ERC2: variants seen among roughly 807,000 people sequenced by gnomAD.
ERC2 encodes the protein ELKS/RAB6-interacting/CAST family member 2.
ERC2 carries 42 observed loss-of-function variants against 114.8 expected under a neutral mutation model. That is an observed-to-expected ratio of 0.37 (90% confidence interval 0.29 to 0.47). The LOEUF is 0.47. ERC2 is among the 20% of genes least tolerant of loss of function. The probability of loss-of-function intolerance (pLI) is 0.99; values close to 1 mark genes in which losing one functional copy is unlikely to be tolerated. For synonymous variants in ERC2, 454 were observed against 425.5 expected (o/e 1.07, Z -0.82); for missense variants, 939 against 1,150.7 (o/e 0.82, Z 2.66).
intron 13 of ERC2, among the ~76,000 whole-genome samples, chr3:55,922,392 T>C (rs2065479932): frequency 6.6e-6 from 1 of 151,996 alleles, no homozygotes; most frequent in South Asian, 2.1e-4. Context: ...CTTTGGAGCC[T>C]TGCAAGGGGC....
intron 13 of ERC2, among the ~76,000 whole-genome samples, chr3:55,894,607 AAAG>A (rs1171070719): frequency 6.6e-6 from 1 of 152,188 alleles, no homozygotes; most frequent in Non-Finnish European, 1.5e-5. Flanking sequence ...CTTTATAAAA[AAAG>A]AAGGAAATCA....
At chr3:56,145,084 C>A (rs905915808) in intron 5 of ERC2, among the ~76,000 whole-genome samples, 1 of 152,192 alleles carries the variant, frequency 6.6e-6, no homozygotes, top group Non-Finnish European at 1.5e-5. Flanking sequence ...CCACTTACGT[C>A]TGTGACACAA....
intron 11 of ERC2, among the ~76,000 whole-genome samples, chr3:55,990,654 C>T (rs1217404667): frequency 1.3e-5 from 2 of 152,170 alleles, no homozygotes; most frequent in Non-Finnish European, 2.9e-5. Context: ...AGGCTCAAGC[C>T]ATCCTCTCAC....
chr3:55,623,822 C>T (rs1345814293), intron 17 of ERC2, among the ~76,000 whole-genome samples: 4 of 152,230 alleles, frequency 2.6e-5, no homozygotes, highest in South Asian at 2.1e-4. Flanking sequence ...GGTGTGCTCT[C>T]GCCATTGTTC....
intron 4 of ERC2, among the ~76,000 whole-genome samples, chr3:56,155,265 A>T (rs954233302): frequency 1.3e-5 from 2 of 151,958 alleles, no homozygotes; most frequent in East Asian, 3.9e-4. Context: ...TCAGGGGTAA[A>T]CTTTTAACTC....
chr3:56,436,086 C>T (rs758730760), intron 1 of ERC2, among the ~76,000 whole-genome samples: 30 of 152,154 alleles, frequency 2.0e-4, no homozygotes, highest in Non-Finnish European at 4.1e-4. Context: ...CCCATATGGC[C>T]TTAATGGGGC....
intron 2 of ERC2, chr3:56,434,015 CAGA>C: frequency 3.9e-6 from 1 of 256,130 alleles, no homozygotes; most frequent in Admixed American, 4.8e-5. Context: ...TTCTTCTATT[CAGA>C]AGGAGGTACA....
chr3:55,656,199 G>A (rs1265252182), intron 17 of ERC2, among the ~76,000 whole-genome samples: 2 of 152,226 alleles, frequency 1.3e-5, no homozygotes, highest in East Asian at 3.9e-4. Context: ...AAATGCAGTG[G>A]TGCAATCATA....
intron 14 of ERC2, among the ~76,000 whole-genome samples, chr3:55,747,690 G>A (rs1575470206): frequency 1.3e-5 from 2 of 152,320 alleles, no homozygotes; most frequent in Admixed American, 1.3e-4. Context: ...TGTGGCCATT[G>A]CCTTTGCAAA....
chr3:56,280,219 G>T (rs1432181289), intron 3 of ERC2, among the ~76,000 whole-genome samples: 3 of 152,148 alleles, frequency 2.0e-5, no homozygotes, highest in African/African-American at 7.2e-5. Context: ...AGCTGGGAAA[G>T]GCAAGGGAAT....
intron 3 of ERC2, among the ~76,000 whole-genome samples, chr3:56,220,915 A>G (rs1227770222): frequency 2.0e-5 from 3 of 152,228 alleles, no homozygotes; most frequent in Non-Finnish European, 2.9e-5. Context: ...AAAAAAAGAA[A>G]AAAAAGATGA....
chr3:55,717,710 G>C (rs1357787715), intron 15 of ERC2, among the ~76,000 whole-genome samples: 2 of 152,150 alleles, frequency 1.3e-5, no homozygotes, highest in Non-Finnish European at 2.9e-5. Context: ...GGAGAATGAG[G>C]CCTCTCCTTT....
chr3:55,648,302 A>G (rs888871130), intron 17 of ERC2, among the ~76,000 whole-genome samples: 5 of 152,216 alleles, frequency 3.3e-5, no homozygotes, highest in Non-Finnish European at 4.4e-5. Flanking sequence ...AGTCCCCTCA[A>G]TGTGCCAGCT....
At chr3:55,573,244 T>G (rs951937423) in intron 17 of ERC2, among the ~76,000 whole-genome samples, 1 of 152,226 alleles carries the variant, frequency 6.6e-6, no homozygotes, top group African/African-American at 2.4e-5. Context: ...TATTTAGTTT[T>G]CTCTGTGCCT....
At chr3:56,462,873 T>C (rs371655809) in intron 1 of ERC2, among the ~76,000 whole-genome samples, 11 of 152,186 alleles carry the variant, frequency 7.2e-5, no homozygotes, top group African/African-American at 2.4e-4. Context: ...AAGCTGGTAC[T>C]ATGAATGAAC....
intron 14 of ERC2, among the ~76,000 whole-genome samples, chr3:55,772,156 T>C (rs897724410): frequency 6.6e-6 from 1 of 152,210 alleles, no homozygotes; most frequent in Non-Finnish European, 1.5e-5. Flanking sequence ...AATTAATTTA[T>C]TTTTGAGACA....
At chr3:55,920,964 C>CT (rs1213220983) in intron 13 of ERC2, among the ~76,000 whole-genome samples, 1 of 152,068 alleles carries the variant, frequency 6.6e-6, no homozygotes, top group African/African-American at 2.4e-5. Context: ...GGCTTCAAAC[C>CT]TAGGGGGCTA....
intron 16 of ERC2, among the ~76,000 whole-genome samples, chr3:55,696,462 T>C (rs901288863): frequency 6.6e-6 from 1 of 152,234 alleles, no homozygotes; most frequent in African/African-American, 2.4e-5. Context: ...ATGTACATTA[T>C]GAACATTTAG....
At chr3:56,269,142 G>GA (rs2053502749) in intron 3 of ERC2, among the ~76,000 whole-genome samples, 2 of 152,144 alleles carry the variant, frequency 1.3e-5, no homozygotes, top group South Asian at 2.1e-4. Context: ...TAACAGCTTG[G>GA]AAAAAATTGT....
Sources: allele counts gnomAD v4.1 joint callset (sites outside exome capture counted in the v4.1 genomes callset), GRCh38; gene constraint gnomAD v4.1.1; transcripts MANE v1.5; gene names NCBI Gene and HGNC (gene_info 2026-07-23, HGNC 2026-07-21).